Variants in LARGE1 observed in about 807,000 individuals in gnomAD.
The protein encoded by LARGE1 is LARGE xylosyl- and glucuronyltransferase 1.
LARGE1 carries 43 observed loss-of-function variants against 87.6 expected under a neutral mutation model. The observed-to-expected ratio is 0.49, with a 90% CI of 0.38 to 0.63. The LOEUF is 0.63. LARGE1 is among the 30% of genes least tolerant of loss of function. The pLI, the probability that LARGE1 is intolerant of heterozygous loss-of-function variation, is 0.00. For synonymous variants in LARGE1, 434 were observed against 394.6 expected, an observed-to-expected ratio of 1.10 and a Z score of -1.18; for missense variants, 802 against 1,000.2, an observed-to-expected ratio of 0.80 and a Z score of 2.67.
At chr22:33,781,307 T>C (rs893290529) in intron 1 of LARGE1, among the ~76,000 whole-genome samples, 2 of 152,108 alleles carry the variant, frequency 1.3e-5, no homozygotes, top group African/African-American at 4.8e-5. Context: ...AAGACCAGCC[T>C]GGCCAACATG....
chr22:33,795,816 A>T (rs2085960851), intron 1 of LARGE1, among the ~76,000 whole-genome samples: 1 of 151,304 alleles, frequency 6.6e-6, no homozygotes, highest in Non-Finnish European at 1.5e-5. Flanking sequence ...ACTTGGACAC[A>T]GGGTGGGGAA....
chr22:33,106,413 A>C, the LARGE1 span, among the ~76,000 whole-genome samples: 1 of 152,248 alleles, frequency 6.6e-6, no homozygotes, highest in Non-Finnish European at 1.5e-5. Flanking sequence ...ACAAGAGTCC[A>C]GGTGGGAGTG....
intron 11 of LARGE1, among the ~76,000 whole-genome samples, chr22:33,225,698 T>A (rs1925698775): frequency 6.6e-6 from 1 of 152,166 alleles, no homozygotes; most frequent in South Asian, 2.1e-4. Context: ...ATAGTTATTT[T>A]TTTTCTGACC....
intron 9 of LARGE1, among the ~76,000 whole-genome samples, chr22:33,347,367 T>C (rs1479540133): frequency 1.3e-5 from 2 of 152,222 alleles, no homozygotes; most frequent in African/African-American, 4.8e-5. Flanking sequence ...GGCACGCAGT[T>C]AGTATTCAGT....
chr22:33,626,539 T>C (rs971800861), intron 3 of LARGE1, among the ~76,000 whole-genome samples: 1 of 152,206 alleles, frequency 6.6e-6, no homozygotes, highest in Non-Finnish European at 1.5e-5. Context: ...TTGGAAACCA[T>C]TAAGGCTCCT....
intron 6 of LARGE1, among the ~76,000 whole-genome samples, chr22:33,504,921 A>G (rs770702074): frequency 6.6e-6 from 1 of 152,236 alleles, no homozygotes; most frequent in Admixed American, 6.5e-5. Flanking sequence ...TGTATTGCTA[A>G]AGTGTATAGC....
intron 6 of LARGE1, among the ~76,000 whole-genome samples, chr22:33,451,296 T>C (rs1394784770): frequency 6.6e-6 from 1 of 152,082 alleles, no homozygotes; most frequent in African/African-American, 2.4e-5. Context: ...AACACATTTG[T>C]CTATATGCGC....
At chr22:33,439,763 G>A (rs779665226) in intron 6 of LARGE1, among the ~76,000 whole-genome samples, 4 of 152,050 alleles carry the variant, frequency 2.6e-5, no homozygotes, top group Non-Finnish European at 5.9e-5. Context: ...GACTTTCAAC[G>A]CAAGCTGACC....
chr22:33,826,090 G>T (rs7291335), intron 1 of LARGE1, among the ~76,000 whole-genome samples: 1 of 152,012 alleles, frequency 6.6e-6, no homozygotes, highest in African/African-American at 2.4e-5. Flanking sequence ...AAAATTCCAC[G>T]TCTGCTATAG....
intron 11 of LARGE1, among the ~76,000 whole-genome samples, chr22:33,203,275 C>T (rs1924504201): frequency 3.3e-5 from 5 of 152,160 alleles, no homozygotes. Context: ...AGCTCATCTG[C>T]TTTCCCACTC....
intron 6 of LARGE1, among the ~76,000 whole-genome samples, chr22:33,533,093 G>A (rs937628299): frequency 6.6e-6 from 1 of 152,176 alleles, no homozygotes; most frequent in African/African-American, 2.4e-5. Context: ...AAAGAAGGGA[G>A]TAAAACCCAA....
chr22:33,665,225 C>T (rs1477473146), intron 2 of LARGE1, among the ~76,000 whole-genome samples: 1 of 152,218 alleles, frequency 6.6e-6, no homozygotes, highest in African/African-American at 2.4e-5. Context: ...GTTTATTCTT[C>T]TCCACTCCAC....
At chr22:33,472,402 T>C (rs1214899537) in intron 6 of LARGE1, among the ~76,000 whole-genome samples, 2 of 152,116 alleles carry the variant, frequency 1.3e-5, no homozygotes, top group African/African-American at 2.4e-5. Context: ...CTTACCTCTT[T>C]TTGAGTATTT....
Position 33,203,097 on chromosome 22 carries a change from CTCTCTGTG to C in LARGE1, c.1731-36273_1731-36266del, listed in dbSNP as rs1568972174. ...TCTCTCTCTCTCTCTCTCTCTCTCT[CTCTCTGTG>C]TGTGTGTGTGTGTGTGTGTGCAAGA... On this transcript the variant is annotated intron_variant, in intron 11 of 11. Coordinates refer to the LARGE1 transcript ENST00000608642. Among the ~76,000 whole-genome samples the C allele has an allele frequency of 7.5e-5, 10 of 132,994 alleles. No individual in the cohort carries two copies. The South Asian group carries it at 1.1e-3, about 15-fold the overall frequency. The allele number at this position is 132,994 out of a possible 152,430, so 87.2% of individuals were successfully genotyped here.
chr22:33,189,255 C>A (rs1923650665), intron 11 of LARGE1, among the ~76,000 whole-genome samples: 1 of 152,180 alleles, frequency 6.6e-6, no homozygotes, highest in South Asian at 2.1e-4. Context: ...CAAATGCATA[C>A]AATGCTGGCT....
intron 11 of LARGE1, among the ~76,000 whole-genome samples, chr22:33,264,677 A>C (rs1437916318): frequency 4.6e-5 from 7 of 151,932 alleles, no homozygotes. Context: ...ACAAAACAAA[A>C]CAAAAACTTA....
At chr22:33,409,286 G>C (rs1224059655) in intron 7 of LARGE1, among the ~76,000 whole-genome samples, 1 of 141,506 alleles carries the variant, frequency 7.1e-6, no homozygotes, top group Non-Finnish European at 1.6e-5. Context: ...CTTACCCTGA[G>C]ACGGAAGGAG....
chr22:33,619,554 C>CAAAAAAA (rs553269111), intron 4 of LARGE1, among the ~76,000 whole-genome samples: 4 of 59,108 alleles, frequency 6.8e-5, no homozygotes, highest in African/African-American at 1.0e-4. Flanking sequence ...GACTCTGTCT[C>CAAAAAAA]AAAAAAAAAA....
chr22:33,302,562 C>T (rs1344774968), intron 12 of LARGE1, among the ~76,000 whole-genome samples: 1 of 152,162 alleles, frequency 6.6e-6, no homozygotes, highest in Non-Finnish European at 1.5e-5. Flanking sequence ...TAAACCTACG[C>T]TTTGGCTTCC....
Sources: allele counts gnomAD v4.1 joint callset (sites outside exome capture counted in the v4.1 genomes callset), GRCh38; gene constraint gnomAD v4.1.1; transcripts MANE v1.5; gene names NCBI Gene and HGNC (gene_info 2026-07-23, HGNC 2026-07-21).